The following BNIP3L variants were observed in gnomAD, a reference collection of about 807,000 sequenced individuals.
The protein encoded by BNIP3L is BCL2/adenovirus E1B 19 kDa protein-interacting protein 3-like.
BNIP3L carries 10 observed loss-of-function variants against 25.5 expected under a neutral mutation model. The observed-to-expected ratio is 0.39, with a 90% CI of 0.24 to 0.67. The LOEUF (loss-of-function observed/expected upper bound fraction) is 0.67. Among genes scored for constraint, BNIP3L ranks in the 30% least tolerant of loss-of-function variants. The pLI is 0.45. For synonymous variants in BNIP3L, 113 were observed against 101.2 expected, an observed-to-expected ratio of 1.12 and a Z score of -0.70; for missense variants, 215 against 270.9, an observed-to-expected ratio of 0.79 and a Z score of 1.45.
chr8:26,384,726 CATTTTTTTTT>C (rs747556456), intron 1 of BNIP3L, among the ~76,000 whole-genome samples: 2 of 95,652 alleles, frequency 2.1e-5, no homozygotes, highest in African/African-American at 8.0e-5. Context: ...CTTTTGAGGA[CATTTTTTTTT>C]TTTTTTTTTT....
intron 3 of BNIP3L, among the ~76,000 whole-genome samples, chr8:26,406,629 TG>T (rs1465849087): frequency 6.6e-6 from 1 of 152,142 alleles, no homozygotes; most frequent in Non-Finnish European, 1.5e-5. Context: ...AAGACCAGGC[TG>T]GGCAACATAG....
At chr8:26,401,485 GCAGCA>G (rs1806373736) in intron 3 of BNIP3L, among the ~76,000 whole-genome samples, 1 of 150,386 alleles carries the variant, frequency 6.6e-6, no homozygotes, top group Admixed American at 6.6e-5. Flanking sequence ...GTTAGTGGGT[GCAGCA>G]CACCAGCATG....
At chr8:26,388,857 C>T (rs1307207391) in intron 1 of BNIP3L, among the ~76,000 whole-genome samples, 1 of 149,916 alleles carries the variant, frequency 6.7e-6, no homozygotes, top group Non-Finnish European at 1.5e-5. Flanking sequence ...GGCATGGTGG[C>T]ATGTGCCCTG....
At chr8:26,395,482 A>C in intron 3 of BNIP3L, 180 bp downstream of exon 3, 1 of 618,474 alleles carries the variant, frequency 1.6e-6, no homozygotes, top group Non-Finnish European at 2.7e-6. Flanking sequence ...ACAACTAAGG[A>C]TTTTGGGCCC....
intron 2 of BNIP3L, among the ~76,000 whole-genome samples, chr8:26,391,938 A>C (rs763509069): frequency 6.6e-6 from 1 of 152,194 alleles, no homozygotes; most frequent in African/African-American, 2.4e-5. Flanking sequence ...AGGTTGCTTC[A>C]CGTTATAGCA....
At chr8:26,405,453 G>A (rs1293311914) in intron 3 of BNIP3L, among the ~76,000 whole-genome samples, 1 of 152,174 alleles carries the variant, frequency 6.6e-6, no homozygotes, top group Non-Finnish European at 1.5e-5. Context: ...GTCATTCAGT[G>A]GAATTTGCCA....
At chr8:26,391,971 C>T (rs1806122325) in intron 2 of BNIP3L, among the ~76,000 whole-genome samples, 1 of 152,178 alleles carries the variant, frequency 6.6e-6, no homozygotes, top group Non-Finnish European at 1.5e-5. Context: ...TTGGAAGCAC[C>T]AACCAAGGTC....
In BNIP3L at chr8:26,395,303, G is replaced by A. The variant is rs775460473; in HGVS notation, c.357+1G>A. On this transcript the variant is annotated splice_donor_variant, in intron 3 of 5. Transcript: ENST00000380629. LOFTEE classifies it high-confidence loss of function. Reference sequence around the variant, plus strand: ...CACCAGCAGGGACCATAGCTCTCAGGTGTGTCGGGGGGATTCTGATTTACA... The same window carrying A: ...CACCAGCAGGGACCATAGCTCTCAGATGTGTCGGGGGGATTCTGATTTACA... The A allele has an allele frequency of 6.2e-7, 1 of 1,613,602 alleles. No homozygotes were observed. Among genetic ancestry groups the A allele is most frequent in the South Asian group, 1.1e-5 (1 of 91,026 alleles).
chr8:26,393,514 C>T (rs776575191), intron 2 of BNIP3L, among the ~76,000 whole-genome samples: 41 of 151,318 alleles, frequency 2.7e-4, no homozygotes, highest in Admixed American at 2.2e-3. Context: ...GCTCCCCAGC[C>T]GATTCTAATA....
intron 2 of BNIP3L, 51 bp downstream of exon 2, chr8:26,391,477 G>T: frequency 7.1e-7 from 1 of 1,417,904 alleles, no homozygotes; most frequent in Non-Finnish European, 9.3e-7. Context: ...TGGGTTACAG[G>T]GCTCATTCAC....
At chr8:26,388,959 A>G (rs1183276881) in intron 1 of BNIP3L, among the ~76,000 whole-genome samples, 1 of 152,242 alleles carries the variant, frequency 6.6e-6, no homozygotes, top group East Asian at 1.9e-4. Flanking sequence ...ACTGTACTAC[A>G]GCCTGGGTGA....
intron 2 of BNIP3L, among the ~76,000 whole-genome samples, chr8:26,393,117 C>T (rs1684363422): frequency 6.6e-6 from 1 of 151,804 alleles, no homozygotes; most frequent in African/African-American, 2.4e-5. Flanking sequence ...TCTGGGATAG[C>T]CTACTAACAC....
At chr8:26,406,619 A>C (rs1806505278) in intron 3 of BNIP3L, among the ~76,000 whole-genome samples, 1 of 152,190 alleles carries the variant, frequency 6.6e-6, no homozygotes, top group South Asian at 2.1e-4. Context: ...CCGGGAGTTC[A>C]AGACCAGGCT....
At chr8:26,400,225 C>T (rs1806339231) in intron 3 of BNIP3L, among the ~76,000 whole-genome samples, 1 of 151,828 alleles carries the variant, frequency 6.6e-6, no homozygotes, top group East Asian at 1.9e-4. Context: ...AGATATAGAT[C>T]AATGGAACAG....
chr8:26,409,188 G>A lies in BNIP3L; in HGVS notation c.611+812G>A, dbSNP rs150013265. Among the ~76,000 whole-genome samples the A allele has an allele frequency of 9.5e-3, 1,450 of 151,848 alleles. 11 individuals are homozygous for A. The highest frequency in any genetic ancestry group is 0.016 in the Non-Finnish European group (1,084 of 67,964). On this transcript the variant is annotated intron_variant, in intron 5 of 5. Transcript: ENST00000380629. ...TTGCTAAAATCAACCTCATATTTAC[G>A]TGTAATTCATTAGTTTCTTAGCCAC...
At chr8:26,400,276 C>G (rs899182784) in intron 3 of BNIP3L, among the ~76,000 whole-genome samples, 10 of 150,992 alleles carry the variant, frequency 6.6e-5, no homozygotes, top group African/African-American at 1.5e-4. Context: ...CTACAACTAT[C>G]TGATCTTTGA....
intron 5 of BNIP3L, among the ~76,000 whole-genome samples, chr8:26,409,739 G>T (rs896362084): frequency 2.6e-5 from 4 of 152,172 alleles, no homozygotes; most frequent in African/African-American, 9.7e-5. Flanking sequence ...TGCTATAGAT[G>T]AATGTAAAAA....
At position 26,390,370 on chromosome 8, in the gene BNIP3L, A is replaced by C. The variant is rs1047260096; in HGVS notation, c.101-873A>C. 10 of 985,212 alleles carry C rather than the reference A, an allele frequency of 1.0e-5. No individual in the cohort carries two copies. The African/African-American group carries it at 1.6e-4, about 16-fold the overall frequency. The allele number at this position is 985,212 out of a possible 1,614,324, so 61.0% of individuals were successfully genotyped here. On this transcript the variant is annotated intron_variant, in intron 1 of 5. Transcript: ENST00000380629. The stretch of plus-strand genomic sequence containing the variant: ...GCACATCCCCTTTTTCTGTGGCTCC[A>C]CCCCTTCAACTTTTTGTCCAAGAAA...
chr8:26,383,273 G>C (rs765549491), intron 1 of BNIP3L, 43 bp downstream of exon 1: 1 of 1,576,814 alleles, frequency 6.3e-7, no homozygotes, highest in Non-Finnish European at 8.6e-7. Context: ...TGGGGGAGGA[G>C]GAGCAGCCCC....
Sources: allele counts gnomAD v4.1 joint callset (sites outside exome capture counted in the v4.1 genomes callset), GRCh38; gene constraint gnomAD v4.1.1; transcripts MANE v1.5; gene names NCBI Gene and HGNC (gene_info 2026-07-23, HGNC 2026-07-21).